Variants in KCNK10 observed in about 807,000 individuals in gnomAD.
The protein encoded by KCNK10 is potassium two pore domain channel subfamily K member 10, also known as potassium channel subfamily K member 10.
In KCNK10, 25 loss-of-function variants were observed where a neutral mutation model predicts 47.7. The observed-to-expected ratio is 0.52, with a 90% CI of 0.38 to 0.73. KCNK10 has a LOEUF of 0.73. Among genes scored for constraint, KCNK10 ranks in the 30% least tolerant of loss-of-function variants. KCNK10 has a pLI of 0.00. For synonymous variants in KCNK10, 303 were observed against 285.6 expected, an observed-to-expected ratio of 1.06 and a Z score of -0.61; for missense variants, 563 against 714.5, an observed-to-expected ratio of 0.79 and a Z score of 2.42.
intron 6 of KCNK10, 33 bp downstream of exon 6, chr14:88,187,934 A>G: frequency 6.2e-7 from 1 of 1,612,628 alleles, no homozygotes; most frequent in East Asian, 2.2e-5. Flanking sequence ...ATCTGTTCTC[A>G]GGAACATTCA....
chr14:88,213,025 G>A (rs906425987), intron 4 of KCNK10, among the ~76,000 whole-genome samples: 3 of 152,136 alleles, frequency 2.0e-5, no homozygotes, highest in Non-Finnish European at 2.9e-5. Context: ...TTTCAATAAT[G>A]ATGTGTATTC....
At chr14:88,264,690 G>A (rs574360004) in intron 1 of KCNK10, among the ~76,000 whole-genome samples, 32 of 152,268 alleles carry the variant, frequency 2.1e-4, no homozygotes, top group African/African-American at 6.7e-4. Context: ...CGAGCTGAAC[G>A]TCAGTCTTTT....
intron 1 of KCNK10, among the ~76,000 whole-genome samples, chr14:88,320,107 T>C (rs1888514013): frequency 1.3e-5 from 2 of 152,296 alleles, no homozygotes; most frequent in South Asian, 4.1e-4. Context: ...GCAACTCCAC[T>C]GGAAGGCAGA....
intron 1 of KCNK10, among the ~76,000 whole-genome samples, chr14:88,286,949 T>C (rs1209784161): frequency 1.3e-5 from 2 of 152,124 alleles, no homozygotes; most frequent in East Asian, 1.9e-4. Context: ...ACGGAGAAAA[T>C]AAAATAGTAA....
At chr14:88,324,302 G>T (rs934537021), upstream of KCNK10, among the ~76,000 whole-genome samples, 1 of 152,210 alleles carries the variant, frequency 6.6e-6, no homozygotes, top group Non-Finnish European at 1.5e-5. Context: ...GAAAAGCCAG[G>T]TGGTGCTGAG....
At chr14:88,269,961 C>G (rs1887361729) in intron 1 of KCNK10, among the ~76,000 whole-genome samples, 1 of 152,194 alleles carries the variant, frequency 6.6e-6, no homozygotes, top group South Asian at 2.1e-4. Context: ...TTCAGAGTCT[C>G]TTGGAAACCT....
chr14:88,218,727 T>C (rs1027680020), intron 4 of KCNK10, among the ~76,000 whole-genome samples: 1 of 152,090 alleles, frequency 6.6e-6, no homozygotes, highest in Non-Finnish European at 1.5e-5. Flanking sequence ...CTGGTTTTCC[T>C]ACAGCATCCT....
chr14:88,273,406 T>G (rs569028861), intron 1 of KCNK10, among the ~76,000 whole-genome samples: 13 of 152,272 alleles, frequency 8.5e-5, no homozygotes, highest in African/African-American at 3.1e-4. Flanking sequence ...TTTACCACTT[T>G]CTATCTCGGG....
chr14:88,291,752 G>T (rs923189697), intron 1 of KCNK10, among the ~76,000 whole-genome samples: 1 of 152,204 alleles, frequency 6.6e-6, no homozygotes, highest in Admixed American at 6.5e-5. Flanking sequence ...TCAGACATGG[G>T]TGCGCAGTGT....
At chr14:88,290,662 A>G (rs570836765) in intron 1 of KCNK10, among the ~76,000 whole-genome samples, 1 of 152,310 alleles carries the variant, frequency 6.6e-6, no homozygotes, top group East Asian at 1.9e-4. Flanking sequence ...CTTATAACAG[A>G]TGGAACGAGA....
intron 2 of KCNK10, among the ~76,000 whole-genome samples, chr14:88,253,394 GATAA>G: frequency 6.6e-6 from 1 of 152,092 alleles, no homozygotes; most frequent in South Asian, 2.1e-4. Flanking sequence ...ACAAAGAAAT[GATAA>G]ATGTTTGAGA....
intron 4 of KCNK10, among the ~76,000 whole-genome samples, chr14:88,217,232 G>A (rs1885649864): frequency 6.6e-6 from 1 of 152,144 alleles, no homozygotes; most frequent in South Asian, 2.1e-4. Flanking sequence ...CTTATAATAT[G>A]GTATGTACTA....
chr14:88,326,541 G>T (rs1888667117), upstream of KCNK10: 7 of 991,648 alleles, frequency 7.1e-6, no homozygotes, highest in South Asian at 9.7e-5. Context: ...GGTTAAGTCT[G>T]GTGGAAAGAG....
rs772938231 is a variant in KCNK10, at chr14:88,263,530, G to A, written c.74C>T (p.Pro25Leu). Residue 25 changes from proline (P) to leucine (L), a missense_variant, in exon 2 of 7, where the codon CCG becomes CTG. By Grantham distance (98) the Pro-to-Leu change is moderately conservative (BLOSUM62 -3). Coordinates refer to ENST00000319231, the MANE Select transcript of KCNK10 (RefSeq NM_138317.3). ...DPKVAVPAAAPVCQPKSATNG... is the reference protein window; with the variant it reads ...DPKVAVPAAALVCQPKSATNG... ...AGTGGCGCTCTTGGGCTGGCACACC[G>A]GTGCTGCTGCGGGAACGGCCACTGA... 19 of 1,611,928 alleles carry A rather than the reference G, an allele frequency of 1.2e-5. No homozygotes were observed. The highest frequency in any genetic ancestry group is 1.7e-4 in the Middle Eastern group (1 of 5,780).
rs1255773967 is a variant in KCNK10 at position 88,258,290 on chromosome 14, C to CTTTTTTTT, written c.402+4904_402+4911dup. ...GGTGAGTAACTTGCTTATGGTGAGT[C>CTTTTTTTT]TTTTTTTTTTTTTTTTTCGAGATGG... On this transcript the variant is annotated intron_variant, in intron 2 of 6. Coordinates refer to ENST00000319231, the MANE Select transcript of KCNK10 (RefSeq NM_138317.3). 1.5e-5 allele frequency among the ~76,000 whole-genome samples: 2 copies of CTTTTTTTT among 136,262 alleles called. 1 individual carries two copies. The allele number at this position is 136,262 out of a possible 152,430, so 89.4% of individuals were successfully genotyped here. A position where few individuals can be genotyped will look rare whatever the true frequency, so the allele number is the denominator to read the frequency against.
At chr14:88,265,835 T>C (rs1430843834) in intron 1 of KCNK10, among the ~76,000 whole-genome samples, 2 of 152,238 alleles carry the variant, frequency 1.3e-5, no homozygotes, top group Non-Finnish European at 1.5e-5. Context: ...CATGCTCTCT[T>C]GCCTGCTGCC....
Position 88,230,026 on chromosome 14 carries a change from C to T in KCNK10, c.521-2491G>A, listed in dbSNP as rs1034069031. On this transcript the variant is annotated intron_variant, in intron 3 of 6. Transcript: ENST00000319231. ...CAGGTCATAGGCACATTCTTAATCT[C>T]TCTCCCTCACTTTCTTCATCAAAAG... Among the ~76,000 whole-genome samples the T allele has an allele frequency of 4.7e-4, 71 of 152,152 alleles. 1 individual carries two copies. Among genetic ancestry groups the T allele is most frequent in the Admixed American group, 4.6e-3 (70 of 15,264 alleles).
chr14:88,283,206 T>A (rs561924107), intron 1 of KCNK10, among the ~76,000 whole-genome samples: 22 of 152,328 alleles, frequency 1.4e-4, no homozygotes, highest in African/African-American at 5.1e-4. Flanking sequence ...AAGATCACGA[T>A]ATGATCACTC....
chr14:88,224,366 T>C (rs888887985), intron 4 of KCNK10, among the ~76,000 whole-genome samples: 18 of 152,354 alleles, frequency 1.2e-4, no homozygotes, highest in Admixed American at 2.6e-4. Context: ...TTGATCTCCA[T>C]CTGACTCCTC....
Sources: allele counts gnomAD v4.1 joint callset (sites outside exome capture counted in the v4.1 genomes callset), GRCh38; gene constraint gnomAD v4.1.1; transcripts MANE v1.5; gene names NCBI Gene and HGNC (gene_info 2026-07-23, HGNC 2026-07-21).